Variants in PLA2G6 observed in about 807,000 individuals in gnomAD.
PLA2G6 encodes the protein 85/88 kDa calcium-independent phospholipase A2.
Under a neutral mutation model 83.8 loss-of-function variants are expected in PLA2G6, and 62 were observed. The observed-to-expected ratio is 0.74, with a 90% CI of 0.60 to 0.91. The LOEUF (loss-of-function observed/expected upper bound fraction) is 0.91, where lower values mean the gene tolerates loss of function less well. Ranked by LOEUF, PLA2G6 falls within the 40% of genes least tolerant of loss-of-function variation. The pLI, the probability that PLA2G6 is intolerant of heterozygous loss-of-function variation, is 0.00. For missense variants in PLA2G6, 944 were observed against 1,102.0 expected (o/e 0.86, Z 2.03); for synonymous variants, 417 against 449.8 (o/e 0.93, Z 0.92).
At chr22:38,120,953 C>A (rs750534315) in intron 11 of PLA2G6, 44 bp from the exon 12 acceptor site, 2 of 1,608,002 alleles carry the variant, frequency 1.2e-6, no homozygotes, top group African/African-American at 1.3e-5. Flanking sequence ...AGCGGCCACA[C>A]GCAGGGCTCC....
intron 14 of PLA2G6, 144 bp from the exon 15 acceptor site, chr22:38,113,798 G>T: frequency 2.6e-6 from 2 of 782,680 alleles, no homozygotes; most frequent in Non-Finnish European, 4.4e-6. Context: ...AGCATGCCTG[G>T]CATGATTTCC....
Position 38,167,018 on chromosome 22 carries a change from G to C in PLA2G6, c.209+2200C>G, listed in dbSNP as rs185365376. On this transcript the variant is annotated intron_variant, in intron 2 of 16. Transcript: ENST00000332509. Reference sequence around the variant, plus strand: ...CCGAGGCAGGCGGATCACGAGGTCAGGAGATTGAGACCATCCTGGCTAACA... The same window carrying C: ...CCGAGGCAGGCGGATCACGAGGTCACGAGATTGAGACCATCCTGGCTAACA... Among the ~76,000 whole-genome samples, 873 of 152,072 alleles carry C rather than the reference G, an allele frequency of 5.7e-3. 6 individuals are homozygous for C. The highest frequency in any genetic ancestry group is 0.02 in the African/African-American group (815 of 41,460).
chr22:38,134,513 G>C (rs988663904), intron 6 of PLA2G6: 4 of 154,622 alleles, frequency 2.6e-5, no homozygotes, highest in African/African-American at 9.6e-5. Context: ...AGTGAGCCAA[G>C]ATTGTGCCAC....
chr22:38,161,473 T>C (rs1219394364), intron 2 of PLA2G6, among the ~76,000 whole-genome samples: 2 of 152,044 alleles, frequency 1.3e-5, no homozygotes, highest in African/African-American at 4.8e-5. Context: ...ACACGAGGGA[T>C]TGGGGCTTCA....
At position 38,112,277 on chromosome 22, in the gene PLA2G6, T is replaced by C. The variant is rs763205259; in HGVS notation, c.2305A>G (p.Met769Val). 1 of 1,613,638 alleles carries C rather than the reference T, an allele frequency of 6.2e-7. No individual in the cohort carries two copies. The highest frequency in any genetic ancestry group is 1.1e-5 in the South Asian group (1 of 91,012). ...RLNPQLGTDI[M>V]LDEVSDTVLV... ...ACTGTGTCACTGACCTCATCCAGCATGATGTCCGTCCCCAGCTGGGGGTTC... is the reference window on the plus strand; with the variant it reads ...ACTGTGTCACTGACCTCATCCAGCACGATGTCCGTCCCCAGCTGGGGGTTC... The change falls in exon 17 of 17, where the codon ATG becomes GTG. Residue 769 changes from methionine to valine, a missense_variant. Transcript: ENST00000332509.
At chr22:38,118,035 C>CAAAAAA (rs200489859) in intron 12 of PLA2G6, among the ~76,000 whole-genome samples, 1 of 109,880 alleles carries the variant, frequency 9.1e-6, no homozygotes. Context: ...GACTCCATCT[C>CAAAAAA]AAAAAAAAAA....
At chr22:38,153,174 G>C (rs2089640465) in intron 2 of PLA2G6, among the ~76,000 whole-genome samples, 1 of 152,254 alleles carries the variant, frequency 6.6e-6, no homozygotes, top group South Asian at 2.1e-4. Flanking sequence ...GCTCATGCCT[G>C]TAATCCCAGC....
chr22:38,120,629 G>T (rs1313444724), intron 12 of PLA2G6, 130 bp downstream of exon 12: 2 of 1,123,588 alleles, frequency 1.8e-6, no homozygotes, highest in Non-Finnish European at 2.7e-6. Flanking sequence ...CTGGGAAGGG[G>T]GTTCCCTCTG....
At position 38,120,784 on chromosome 22, in the gene PLA2G6, T is replaced by A; in HGVS notation, c.1717A>T (p.Lys573Ter). The change falls in exon 12 of 17, where the codon AAG becomes TAG. Residue 573 changes from lysine (K) to a stop codon, truncating the protein, a stop_gained. Coordinates refer to ENST00000332509, the MANE Select transcript of PLA2G6 (RefSeq NM_003560.4). LOFTEE classifies it high-confidence loss of function. ...TTGGGTTTCCTGACGTCCGTCATCT[T>A]GGTGTGCTCCCCAAACTCCCGCTTC... ...FLKREFGEHTKMTDVRKPKVM... is the reference protein window; with the variant it reads ...FLKREFGEHT The A allele has an allele frequency of 6.2e-7, 1 of 1,613,832 alleles. No individual in the cohort carries two copies. The highest frequency in any genetic ancestry group is 8.5e-7 in the Non-Finnish European group (1 of 1,180,014).
intron 4 of PLA2G6, 64 bp from the exon 5 acceptor site, chr22:38,140,233 C>A: frequency 1.3e-6 from 2 of 1,481,484 alleles, no homozygotes; most frequent in Non-Finnish European, 1.9e-6. Context: ...AGAGGCCGGG[C>A]GCAGTGGCTC....
chr22:38,113,548 G>A lies in PLA2G6; in HGVS notation c.2141C>T (p.Pro714Leu). 2 of 1,613,922 alleles carry A rather than the reference G, an allele frequency of 1.2e-6. No individual in the cohort carries two copies. Among genetic ancestry groups the A allele is most frequent in the Non-Finnish European group, 8.5e-7 (1 of 1,179,916 alleles). ...AAAAACAGTCTTGGCCAGCTCCCAG[G>A]GGTTGCTGGGACGGAAGACATCCAC... ...TCVDVFRPSN[P>L]WELAKTVFGA... The change falls in exon 15 of 17, where the codon CCC (proline) becomes CTC (leucine). Residue 714 changes from proline to leucine, a missense_variant. Pro to Leu is a moderately conservative substitution (Grantham distance 98). Coordinates refer to ENST00000332509, the MANE Select transcript of PLA2G6 (RefSeq NM_003560.4).
intron 2 of PLA2G6, 51 bp from the exon 3 acceptor site, chr22:38,145,704 C>A (rs931236985): frequency 7.6e-7 from 1 of 1,318,338 alleles, no homozygotes; most frequent in Non-Finnish European, 1.1e-6. Context: ...AGGCGGGACC[C>A]TCGGCCCACA....
At chr22:38,122,399 A>G (rs2087576624) in intron 11 of PLA2G6, among the ~76,000 whole-genome samples, 1 of 152,148 alleles carries the variant, frequency 6.6e-6, no homozygotes, top group African/African-American at 2.4e-5. Context: ...CCCACCTGTC[A>G]GCACCTAGAA....
intron 2 of PLA2G6, among the ~76,000 whole-genome samples, chr22:38,168,242 T>C (rs2090297071): frequency 1.3e-5 from 2 of 152,108 alleles, no homozygotes; most frequent in Non-Finnish European, 2.9e-5. Context: ...ACACTGGAGG[T>C]GCTTGGTGCA....
intron 1 of PLA2G6, among the ~76,000 whole-genome samples, chr22:38,177,283 G>A (rs906963472): frequency 4.0e-5 from 6 of 151,886 alleles, no homozygotes; most frequent in East Asian, 1.9e-4. Flanking sequence ...CTCCAAGGCA[G>A]CCTCCCGGCA....
intron 10 of PLA2G6, among the ~76,000 whole-genome samples, chr22:38,124,991 G>A (rs1191116869): frequency 2.0e-5 from 3 of 152,208 alleles, no homozygotes; most frequent in Non-Finnish European, 4.4e-5. Flanking sequence ...TCTTGCCTCA[G>A]CCCCGCTCCA....
chr22:38,112,728 G>T, intron 15 of PLA2G6, 151 bp from the exon 16 acceptor site: 1 of 696,128 alleles, frequency 1.4e-6, no homozygotes, highest in Non-Finnish European at 2.6e-6. Flanking sequence ...AGCGGCTCGG[G>T]CAAAACCCCT....
chr22:38,125,243 T>A (rs996706188), intron 10 of PLA2G6, among the ~76,000 whole-genome samples: 1 of 152,168 alleles, frequency 6.6e-6, no homozygotes, highest in African/African-American at 2.4e-5. Flanking sequence ...TGTGTGCGTG[T>A]CCATGTGTTT....
chr22:38,161,624 G>C (rs1008939891), intron 2 of PLA2G6, among the ~76,000 whole-genome samples: 1 of 152,142 alleles, frequency 6.6e-6, no homozygotes, highest in African/African-American at 2.4e-5. Flanking sequence ...GGCCTTGAAT[G>C]GGGGGACCAC....
Sources: allele counts gnomAD v4.1 joint callset (sites outside exome capture counted in the v4.1 genomes callset), GRCh38; gene constraint gnomAD v4.1.1; transcripts MANE v1.5; gene names NCBI Gene and HGNC (gene_info 2026-07-23, HGNC 2026-07-21).